Variants in IQCM observed in about 807,000 individuals in gnomAD.
The protein encoded by IQCM is IQ motif containing M.
Under a neutral mutation model 57.6 loss-of-function variants are expected in IQCM, and 45 were observed. The ratio of observed to expected loss-of-function variants is 0.78; its 90% CI spans 0.62 to 1.00. IQCM has a LOEUF of 1.00. Among genes scored for constraint, IQCM ranks in the 50% least tolerant of loss-of-function variants. The probability of loss-of-function intolerance (pLI) is 0.00; values close to 1 mark genes in which losing one functional copy is unlikely to be tolerated. For synonymous variants in IQCM, 148 were observed against 158.9 expected (o/e 0.93, Z 0.51); for missense variants, 468 against 511.6 (o/e 0.91, Z 0.82).
At position 149,621,133 on chromosome 4, in the gene IQCM, T is replaced by C; in HGVS notation, c.677A>G (p.Tyr226Cys). The C allele has an allele frequency of 8.2e-7, 1 of 1,215,136 alleles. No individual in the cohort carries two copies. Among genetic ancestry groups the C allele is most frequent in the East Asian group, 3.2e-5 (1 of 31,612 alleles). The allele number at this position is 1,215,136 out of a possible 1,614,324, so 75.3% of individuals were successfully genotyped here. A position where few individuals can be genotyped will look rare whatever the true frequency, so the allele number is the denominator to read the frequency against. Residue 226 changes from tyrosine to cysteine, a missense_variant, in exon 8 of 14, where the codon TAT becomes TGT. By Grantham distance (194) the Tyr-to-Cys change is radical. Coordinates refer to ENST00000636793, the MANE Select transcript of IQCM (RefSeq NM_001363507.2). ...SQSSSIFRDY[Y>C]SKTFKTLIKK... ...TCCAGTTTTATAAATACTTACAGAA[T>C]AATAATCCCGAAATATTGATGATGA...
intron 12 of IQCM, among the ~76,000 whole-genome samples, chr4:149,458,336 A>T (rs1737919311): frequency 6.6e-6 from 1 of 152,080 alleles, no homozygotes; most frequent in South Asian, 2.1e-4. Flanking sequence ...ATACATGAAC[A>T]AAATAAATTC....
At chr4:149,576,888 C>T (rs1197749631) in intron 9 of IQCM, among the ~76,000 whole-genome samples, 1 of 151,928 alleles carries the variant, frequency 6.6e-6, no homozygotes, top group African/African-American at 2.4e-5. Context: ...TCTCCACAAC[C>T]TCACTAGTAT....
intron 2 of IQCM, among the ~76,000 whole-genome samples, chr4:149,791,972 T>C (rs757588852): frequency 3.9e-5 from 6 of 152,124 alleles, no homozygotes; most frequent in Non-Finnish European, 8.8e-5. Flanking sequence ...ATATACACAA[T>C]TGACATCAAG....
chr4:149,418,386 C>A (rs1733900273), intron 13 of IQCM, among the ~76,000 whole-genome samples: 1 of 151,918 alleles, frequency 6.6e-6, no homozygotes. Flanking sequence ...CAGGACTGAA[C>A]CAGGAAGAAG....
rs541190963 is a variant in IQCM at position 149,479,462 on chromosome 4, C to T, written c.1229-45905G>A. The stretch of plus-strand genomic sequence containing the variant: ...GTCAGTAACTGTTCTAGGGGCTTGG[C>T]ATGTATGAACTCATATGATCTTCCT... On this transcript the variant is annotated intron_variant, in intron 12 of 13. Transcript: ENST00000636793. Among the ~76,000 whole-genome samples, 48 of 152,248 alleles carry T rather than the reference C, an allele frequency of 3.2e-4. 1 individual carries two copies. In the South Asian group the frequency reaches 8.5e-3, roughly 27 times the overall value.
intron 3 of IQCM, among the ~76,000 whole-genome samples, chr4:149,740,225 C>G (rs1380382628): frequency 6.6e-6 from 1 of 152,098 alleles, no homozygotes; most frequent in Non-Finnish European, 1.5e-5. Flanking sequence ...TAAGGCCAAC[C>G]CTGTGTATGT....
intron 13 of IQCM, among the ~76,000 whole-genome samples, chr4:149,380,933 A>C (rs918513519): frequency 1.3e-5 from 2 of 152,188 alleles, no homozygotes; most frequent in African/African-American, 2.4e-5. Context: ...TTTAATATCC[A>C]GAGTTGGTAT....
At chr4:149,357,569 C>T (rs983122204) in intron 13 of IQCM, among the ~76,000 whole-genome samples, 12 of 152,288 alleles carry the variant, frequency 7.9e-5, no homozygotes, top group Non-Finnish European at 1.6e-4. Context: ...ATGTGTTGAA[C>T]CAGCCTTGCA....
intron 12 of IQCM, among the ~76,000 whole-genome samples, chr4:149,527,594 A>G (rs1219384120): frequency 6.6e-6 from 1 of 152,220 alleles, no homozygotes; most frequent in Admixed American, 6.5e-5. Flanking sequence ...CCCACGCTAT[A>G]GTATTTTGTT....
chr4:149,563,739 C>A lies in IQCM; in HGVS notation c.901G>T (p.Val301Phe). 8.1e-7 allele frequency: 1 copy of A among 1,232,036 alleles called. No homozygotes were observed. The highest frequency in any genetic ancestry group is 1.0e-6 in the Non-Finnish European group (1 of 987,932). 76.3% of individuals were successfully genotyped at this position (1,232,036 alleles called of 1,614,324 possible). A position where few individuals can be genotyped will look rare whatever the true frequency, so the allele number is the denominator to read the frequency against. Residue 301 changes from valine (V) to phenylalanine (F), a missense_variant, in exon 10 of 14, where the codon GTC becomes TTC. Val to Phe is a conservative substitution (Grantham distance 50). Coordinates refer to ENST00000636793, the MANE Select transcript of IQCM (RefSeq NM_001363507.2). ...CTTTTCCGTTCAAGCCATCCCCTGA[C>A]ATGTGCCTGCATGACGGTGACCATT... Reference protein sequence around the residue: ...IRMVTVMQAHVRGWLERKRLQ... With the variant: ...IRMVTVMQAHFRGWLERKRLQ...
chr4:149,563,284 C>T (rs77510116), intron 10 of IQCM, among the ~76,000 whole-genome samples: 2,618 of 152,170 alleles, frequency 0.017, 76 homozygotes, highest in African/African-American at 0.06. Flanking sequence ...AAAGTTATTT[C>T]AAAATATCCT....
intron 2 of IQCM, among the ~76,000 whole-genome samples, chr4:149,745,030 C>G (rs751028524): frequency 1.3e-5 from 2 of 152,120 alleles, no homozygotes; most frequent in Non-Finnish European, 2.9e-5. Context: ...AACTGAGCTA[C>G]TTACACCTGG....
At chr4:149,778,435 A>C (rs1771308222) in intron 2 of IQCM, among the ~76,000 whole-genome samples, 1 of 152,166 alleles carries the variant, frequency 6.6e-6, no homozygotes, top group Non-Finnish European at 1.5e-5. Context: ...AACAAAGCTA[A>C]AGCAGTAGTA....
chr4:149,808,287 T>A (rs1774259454), intron 2 of IQCM, among the ~76,000 whole-genome samples: 1 of 152,076 alleles, frequency 6.6e-6, no homozygotes, highest in Non-Finnish European at 1.5e-5. Context: ...TGGAGGTCAT[T>A]ATGTTAAGTG....
At chr4:149,719,935 A>G (rs115221639) in intron 5 of IQCM, among the ~76,000 whole-genome samples, 1 of 152,186 alleles carries the variant, frequency 6.6e-6, no homozygotes, top group Non-Finnish European at 1.5e-5. Context: ...CAAAACCAAC[A>G]CATGTTCACT....
chr4:149,654,246 G>A (rs1011428218), intron 7 of IQCM, among the ~76,000 whole-genome samples: 1 of 152,032 alleles, frequency 6.6e-6, no homozygotes, highest in African/African-American at 2.4e-5. Context: ...GTATGATATG[G>A]TTTGGATCTG....
At chr4:149,803,144 T>C (rs1286060659) in intron 2 of IQCM, among the ~76,000 whole-genome samples, 1 of 151,916 alleles carries the variant, frequency 6.6e-6, no homozygotes, top group Non-Finnish European at 1.5e-5. Context: ...GCATATACTC[T>C]TGAATATTTG....
intron 9 of IQCM, among the ~76,000 whole-genome samples, chr4:149,575,805 A>G (rs766009653): frequency 1.3e-5 from 2 of 151,834 alleles, no homozygotes; most frequent in African/African-American, 4.8e-5. Flanking sequence ...TGCTTAAGGC[A>G]CTCACTATGG....
At chr4:149,546,983 G>A (rs564018812) in intron 12 of IQCM, among the ~76,000 whole-genome samples, 2 of 152,116 alleles carry the variant, frequency 1.3e-5, no homozygotes, top group Non-Finnish European at 2.9e-5. Context: ...AATCCATCTT[G>A]AATTAATTTT....
Sources: allele counts gnomAD v4.1 joint callset (sites outside exome capture counted in the v4.1 genomes callset), GRCh38; gene constraint gnomAD v4.1.1; transcripts MANE v1.5; gene names NCBI Gene and HGNC (gene_info 2026-07-23, HGNC 2026-07-21).